The following CRPPA variants were observed in gnomAD, a reference collection of about 807,000 sequenced individuals.
CRPPA encodes the protein D-ribitol-5-phosphate cytidylyltransferase.
A neutral mutation model predicts 52.0 loss-of-function variants in CRPPA; 43 were observed. The observed-to-expected ratio is 0.83, with a 90% CI of 0.65 to 1.07. The LOEUF (loss-of-function observed/expected upper bound fraction) is 1.07, where lower values mean the gene tolerates loss of function less well. Among genes scored for constraint, CRPPA ranks in the 50% least tolerant of loss-of-function variants. The pLI is 0.00. For missense variants in CRPPA, 629 were observed against 551.7 expected, an observed-to-expected ratio of 1.14 and a Z score of -1.40; for synonymous variants, 250 against 203.5, an observed-to-expected ratio of 1.23 and a Z score of -1.94.
chr7:16,388,944 G>C (rs1224594803), intron 2 of CRPPA, among the ~76,000 whole-genome samples: 1 of 152,078 alleles, frequency 6.6e-6, no homozygotes, highest in Non-Finnish European at 1.5e-5. Context: ...GGAAGGTAGT[G>C]ACATTTCTAT....
chr7:16,112,651 A>G (rs777630543), intron 9 of CRPPA, among the ~76,000 whole-genome samples: 8 of 152,182 alleles, frequency 5.3e-5, no homozygotes, highest in Non-Finnish European at 7.4e-5. Flanking sequence ...AAAAAGAGAC[A>G]TTGTACTATG....
intron 9 of CRPPA, among the ~76,000 whole-genome samples, chr7:16,093,093 CT>C (rs1475822576): frequency 2.6e-5 from 4 of 152,280 alleles, no homozygotes; most frequent in Admixed American, 2.6e-4. Flanking sequence ...GTGAATTCCT[CT>C]AGCACACCGA....
At chr7:16,170,388 A>G (rs1273976696) in intron 9 of CRPPA, among the ~76,000 whole-genome samples, 2 of 152,176 alleles carry the variant, frequency 1.3e-5, no homozygotes, top group African/African-American at 2.4e-5. Flanking sequence ...GTTCTTAAAG[A>G]TGGTGTGTCT....
At chr7:16,295,606 G>GT (rs1784655547) in intron 5 of CRPPA, among the ~76,000 whole-genome samples, 1 of 152,044 alleles carries the variant, frequency 6.6e-6, no homozygotes, top group Non-Finnish European at 1.5e-5. Flanking sequence ...AAATGCAATA[G>GT]TTTATTTAGA....
intron 9 of CRPPA, among the ~76,000 whole-genome samples, chr7:16,126,142 T>C (rs894121619): frequency 6.6e-6 from 1 of 151,950 alleles, no homozygotes; most frequent in Non-Finnish European, 1.5e-5. Context: ...AGCAGAAAAA[T>C]ATCCTGTGCC....
At chr7:16,216,910 C>A (rs1200516362) in intron 8 of CRPPA, among the ~76,000 whole-genome samples, 2 of 151,750 alleles carry the variant, frequency 1.3e-5, no homozygotes, top group South Asian at 2.1e-4. Flanking sequence ...ACAAAGCAGC[C>A]GGGAAGCTCC....
chr7:16,397,247 C>A (rs1453988124), intron 2 of CRPPA, among the ~76,000 whole-genome samples: 1 of 152,146 alleles, frequency 6.6e-6, no homozygotes, highest in East Asian at 1.9e-4. Flanking sequence ...ATGTAACTGA[C>A]ATGTACACAT....
chr7:16,329,160 C>T (rs1191531117), intron 3 of CRPPA, among the ~76,000 whole-genome samples: 1 of 152,128 alleles, frequency 6.6e-6, no homozygotes, highest in African/African-American at 2.4e-5. Context: ...CAGATTATAT[C>T]CAAGAGGCAA....
chr7:16,392,408 T>G (rs1028555359), intron 2 of CRPPA, among the ~76,000 whole-genome samples: 1 of 152,170 alleles, frequency 6.6e-6, no homozygotes, highest in South Asian at 2.1e-4. Flanking sequence ...CTTCATATTT[T>G]TGTCCTGCTT....
At chr7:16,376,060 C>T in intron 3 of CRPPA, 32 bp downstream of exon 3, 2 of 1,546,016 alleles carry the variant, frequency 1.3e-6, no homozygotes, top group Non-Finnish European at 8.7e-7. Flanking sequence ...CCTGACATAA[C>T]AGCAGCTTAT....
At chr7:16,396,794 G>A (rs1787586475) in intron 2 of CRPPA, among the ~76,000 whole-genome samples, 1 of 152,216 alleles carries the variant, frequency 6.6e-6, no homozygotes, top group Admixed American at 6.5e-5. Context: ...CGTGATATGT[G>A]TGTAACTAAA....
chr7:16,101,952 A>G (rs1016716377), intron 9 of CRPPA, among the ~76,000 whole-genome samples: 21 of 152,186 alleles, frequency 1.4e-4, no homozygotes, highest in African/African-American at 5.1e-4. Context: ...ATTAGAAAAA[A>G]CTACCTTAAA....
chr7:16,400,401 G>A (rs866119687), intron 2 of CRPPA, among the ~76,000 whole-genome samples: 1 of 152,158 alleles, frequency 6.6e-6, no homozygotes, highest in East Asian at 1.9e-4. Flanking sequence ...TGACAGGCCT[G>A]GCACATGACT....
chr7:16,223,636 C>G (rs1375949510), intron 8 of CRPPA, among the ~76,000 whole-genome samples: 1 of 152,150 alleles, frequency 6.6e-6, no homozygotes, highest in East Asian at 1.9e-4. Context: ...AATATACCAA[C>G]TACTTAGGTG....
chr7:16,170,840 G>A (rs1197692171), intron 9 of CRPPA, among the ~76,000 whole-genome samples: 3 of 152,224 alleles, frequency 2.0e-5, no homozygotes, highest in African/African-American at 7.2e-5. Context: ...GCCCCTCATT[G>A]CGCAGCGCCG....
intron 9 of CRPPA, among the ~76,000 whole-genome samples, chr7:16,153,258 A>G (rs1480538458): frequency 3.5e-4 from 53 of 152,078 alleles, no homozygotes; most frequent in Non-Finnish European, 1.5e-5. Context: ...AACTATTATT[A>G]TGACATCAAC....
intron 5 of CRPPA, among the ~76,000 whole-genome samples, chr7:16,283,586 A>G (rs1562606697): frequency 6.6e-6 from 1 of 151,416 alleles, no homozygotes; most frequent in Non-Finnish European, 1.5e-5. Context: ...ACAGTAGGAT[A>G]CATACATATC....
intron 8 of CRPPA, among the ~76,000 whole-genome samples, chr7:16,221,756 A>C (rs2128400359): frequency 6.6e-6 from 1 of 152,052 alleles, no homozygotes. Flanking sequence ...ATACCATCTC[A>C]CACCAGTTAG....
chr7:16,253,544 A>G (rs1783520450), intron 8 of CRPPA, among the ~76,000 whole-genome samples: 1 of 152,090 alleles, frequency 6.6e-6, no homozygotes. Context: ...CAATTTTGGA[A>G]TAAGTGTGAT....
Sources: gnomAD v4.1 joint callset for allele counts (sites outside exome capture counted in the v4.1 genomes callset) on GRCh38, gnomAD v4.1.1 for gene constraint, MANE v1.5 for transcripts, NCBI Gene and HGNC (gene_info 2026-07-23, HGNC 2026-07-21) for gene names.